SLC12A2: variants seen among roughly 807,000 people sequenced by gnomAD.
The protein encoded by SLC12A2 is Na-K-2Cl cotransporter 1.
A neutral mutation model predicts 136.3 loss-of-function variants in SLC12A2; 67 were observed. The ratio of observed to expected loss-of-function variants is 0.49; its 90% CI spans 0.40 to 0.60. The LOEUF (loss-of-function observed/expected upper bound fraction) is 0.60, where lower values mean the gene tolerates loss of function less well. SLC12A2 is among the 20% of genes least tolerant of loss of function. The pLI, the probability that SLC12A2 is intolerant of heterozygous loss-of-function variation, is 0.00. For missense variants in SLC12A2, 1,322 were observed against 1,534.7 expected (o/e 0.86, Z 2.32); for synonymous variants, 619 against 562.9 (o/e 1.10, Z -1.41).
chr5:128,116,883 A>C (rs562091810), intron 4 of SLC12A2, among the ~76,000 whole-genome samples: 1 of 152,234 alleles, frequency 6.6e-6, no homozygotes, highest in South Asian at 2.1e-4. Flanking sequence ...TCAGATTTGG[A>C]AACCCCTAAC....
intron 4 of SLC12A2, among the ~76,000 whole-genome samples, chr5:128,130,514 C>CAAAAA (rs565322518): frequency 2.5e-5 from 2 of 81,476 alleles, no homozygotes; most frequent in Non-Finnish European, 4.7e-5. Context: ...GACTCTGTCT[C>CAAAAA]AAAAAAAAAA....
intron 22 of SLC12A2, among the ~76,000 whole-genome samples, chr5:128,179,740 A>G (rs1012686012): frequency 6.6e-6 from 1 of 152,028 alleles, no homozygotes; most frequent in African/African-American, 2.4e-5. Context: ...ACTGACCCCC[A>G]TGATCCAAAC....
chr5:128,149,319 G>A (rs527429505), intron 12 of SLC12A2, among the ~76,000 whole-genome samples: 1 of 151,786 alleles, frequency 6.6e-6, no homozygotes, highest in Non-Finnish European at 1.5e-5. Context: ...TACCACAAGT[G>A]TTGTGGGACT....
chr5:128,184,403 C>T lies in SLC12A2; in HGVS notation c.3337C>T (p.Leu1113Phe), dbSNP rs755343984. 2 of 1,593,858 alleles carry T rather than the reference C, an allele frequency of 1.3e-6. No individual in the cohort carries two copies. Among genetic ancestry groups the T allele is most frequent in the Non-Finnish European group, 1.7e-6 (2 of 1,167,340 alleles). The change falls in exon 25 of 27, where the codon CTT becomes TTT. Residue 1113 changes from leucine (L) to phenylalanine (F), a missense_variant. By Grantham distance (22) the Leu-to-Phe change is conservative. Transcript: ENST00000262461. ...TGAGGAAATCATTGAGCCATACAGA[C>T]TTCATGAAGATGATAAAGAGCAAGA... ...AFEEIIEPYRLHEDDKEQDIA... is the reference protein window; with the variant it reads ...AFEEIIEPYRFHEDDKEQDIA...
At chr5:128,134,105 G>T (rs1762110000) in intron 5 of SLC12A2, 60 bp from the exon 6 acceptor site, 1 of 848,032 alleles carries the variant, frequency 1.2e-6, no homozygotes, top group Non-Finnish European at 2.0e-6. Context: ...TTCAAAAGGA[G>T]TGTGAATGTG....
At chr5:128,104,409 A>T (rs1211935363) in intron 1 of SLC12A2, among the ~76,000 whole-genome samples, 5 of 152,132 alleles carry the variant, frequency 3.3e-5, no homozygotes, top group African/African-American at 1.2e-4. Context: ...AGGCGGGCAG[A>T]TCACTTGAGG....
At chr5:128,186,457 C>T (rs1216408656) in intron 26 of SLC12A2, 39 bp from the exon 27 acceptor site, 6 of 1,445,944 alleles carry the variant, frequency 4.1e-6, no homozygotes, top group Non-Finnish European at 3.6e-6. Flanking sequence ...ATGCATTGCT[C>T]AGGGTTTTTT....
At chr5:128,126,094 C>T (rs1215466029) in intron 4 of SLC12A2, among the ~76,000 whole-genome samples, 2 of 152,066 alleles carry the variant, frequency 1.3e-5, no homozygotes, top group Non-Finnish European at 2.9e-5. Context: ...CTTTGTTCTT[C>T]TTTTTCATAA....
intron 1 of SLC12A2, among the ~76,000 whole-genome samples, chr5:128,096,512 T>G (rs1760544095): frequency 6.6e-6 from 1 of 152,106 alleles, no homozygotes; most frequent in Admixed American, 6.6e-5. Flanking sequence ...AATTAAAATG[T>G]GAATTTGCTT....
At chr5:128,151,905 T>C (rs902064453) in intron 14 of SLC12A2, among the ~76,000 whole-genome samples, 2 of 152,142 alleles carry the variant, frequency 1.3e-5, no homozygotes, top group Admixed American at 6.6e-5. Context: ...AAACTTGTTT[T>C]AACTGAGTAA....
chr5:128,179,684 C>G (rs535396635), intron 22 of SLC12A2, among the ~76,000 whole-genome samples: 2 of 152,058 alleles, frequency 1.3e-5, no homozygotes, highest in East Asian at 3.9e-4. Context: ...TTAAATCACC[C>G]GGTCTCATGA....
chr5:128,102,596 CTTT>C (rs70997362), intron 1 of SLC12A2, among the ~76,000 whole-genome samples: 6 of 40,456 alleles, frequency 1.5e-4, no homozygotes, highest in African/African-American at 5.2e-4. Context: ...CCCCCCCCGC[CTTT>C]TTTTTTTTTT....
chr5:128,137,808 A>G (rs1240344021), intron 7 of SLC12A2, among the ~76,000 whole-genome samples: 1 of 152,200 alleles, frequency 6.6e-6, no homozygotes, highest in African/African-American at 2.4e-5. Flanking sequence ...TAATTGTCTG[A>G]CAGCCTCAAA....
chr5:128,129,134 A>C (rs1268580718), intron 4 of SLC12A2, among the ~76,000 whole-genome samples: 2 of 152,036 alleles, frequency 1.3e-5, no homozygotes, highest in Admixed American at 1.3e-4. Flanking sequence ...TCAACTACTA[A>C]AGACAAGAGT....
chr5:128,088,567 G>T (rs570844084), intron 1 of SLC12A2, among the ~76,000 whole-genome samples: 55 of 124,288 alleles, frequency 4.4e-4, no homozygotes, highest in African/African-American at 1.2e-3. Flanking sequence ...TTTGTTTTTT[G>T]TGTGTGTGTT....
chr5:128,150,586 C>G (rs566875483), intron 13 of SLC12A2, among the ~76,000 whole-genome samples: 1 of 151,552 alleles, frequency 6.6e-6, no homozygotes, highest in African/African-American at 2.4e-5. Flanking sequence ...CACAAACATT[C>G]TAACATCAGG....
intron 9 of SLC12A2, 62 bp downstream of exon 9, chr5:128,138,970 C>A: frequency 9.1e-7 from 1 of 1,101,838 alleles, no homozygotes; most frequent in Non-Finnish European, 1.4e-6. Flanking sequence ...ACTATAAATA[C>A]TTATTTTTAT....
At chr5:128,135,176 C>G (rs1437057798) in intron 6 of SLC12A2, among the ~76,000 whole-genome samples, 2 of 152,024 alleles carry the variant, frequency 1.3e-5, no homozygotes, top group African/African-American at 4.8e-5. Flanking sequence ...ATAGATTGTT[C>G]TTTCCTTCCA....
intron 4 of SLC12A2, among the ~76,000 whole-genome samples, chr5:128,128,089 A>T (rs1426492347): frequency 6.6e-6 from 1 of 152,158 alleles, no homozygotes; most frequent in Non-Finnish European, 1.5e-5. Context: ...TGATTTATTT[A>T]AAAGTGTGTT....
Sources: gnomAD v4.1 joint callset for allele counts (sites outside exome capture counted in the v4.1 genomes callset) on GRCh38, gnomAD v4.1.1 for gene constraint, MANE v1.5 for transcripts, NCBI Gene and HGNC (gene_info 2026-07-23, HGNC 2026-07-21) for gene names.